MON2: variants seen among roughly 807,000 people sequenced by gnomAD.
MON2 encodes the protein MON2 regulator of endosome-to-Golgi trafficking, also known as protein MON2 homolog.
In MON2, 84 loss-of-function variants were observed where a neutral mutation model predicts 208.6. The observed-to-expected ratio is 0.40, with a 90% CI of 0.34 to 0.48. The LOEUF (loss-of-function observed/expected upper bound fraction) is 0.48. Among genes scored for constraint, MON2 ranks in the 20% least tolerant of loss-of-function variants. The pLI, the probability that MON2 is intolerant of heterozygous loss-of-function variation, is 0.59. For missense variants in MON2, 1,611 were observed against 2,015.4 expected (o/e 0.80, Z 3.84); for synonymous variants, 660 against 694.0 (o/e 0.95, Z 0.77).
At chr12:62,499,850 G>A (rs2070737363) in intron 5 of MON2, among the ~76,000 whole-genome samples, 1 of 151,554 alleles carries the variant, frequency 6.6e-6, no homozygotes, top group African/African-American at 2.4e-5. Context: ...TCCAGCCTGG[G>A]TGACACAGCA....
At chr12:62,516,997 G>T (rs1319565612) in intron 8 of MON2, among the ~76,000 whole-genome samples, 2 of 152,124 alleles carry the variant, frequency 1.3e-5, no homozygotes, top group Non-Finnish European at 2.9e-5. Context: ...AAAAGGAGAA[G>T]AACTTTAAGG....
intron 2 of MON2, among the ~76,000 whole-genome samples, chr12:62,486,113 A>G (rs2069775257): frequency 6.6e-6 from 1 of 152,150 alleles, no homozygotes; most frequent in Non-Finnish European, 1.5e-5. Context: ...GACTTACCAT[A>G]GGCCAATCGT....
At chr12:62,544,851 T>G in intron 20 of MON2, 47 bp from the exon 21 acceptor site, 1 of 1,585,962 alleles carries the variant, frequency 6.3e-7, no homozygotes, top group East Asian at 2.3e-5. Flanking sequence ...TGATGTGTGA[T>G]TCATAGCTTA....
chr12:62,532,499 G>A lies in MON2; in HGVS notation c.1462G>A (p.Ala488Thr), dbSNP rs2072702981. Reference sequence around the variant, plus strand: ...ACCTGAAGGTTACGCCATGTCTGTGGCATTCCATTGTTTGCTAGACCTTGT... The same window carrying A: ...ACCTGAAGGTTACGCCATGTCTGTGACATTCCATTGTTTGCTAGACCTTGT... Reference protein sequence around the residue: ...TIPEGYAMSVAFHCLLDLVRG... With the variant: ...TIPEGYAMSVTFHCLLDLVRG... The change falls in exon 12 of 35, where the codon GCA becomes ACA. Residue 488 changes from alanine (A) to threonine (T), a missense_variant. By Grantham distance (58) the Ala-to-Thr change is moderately conservative (BLOSUM62 0). Coordinates refer to ENST00000393630, the MANE Select transcript of MON2 (RefSeq NM_015026.3). The A allele has an allele frequency of 2.5e-6, 4 of 1,614,074 alleles. No individual in the cohort carries two copies. The highest frequency in any genetic ancestry group is 1.7e-4 in the Middle Eastern group (1 of 6,060).
At chr12:62,556,238 A>C in intron 25 of MON2, 46 bp downstream of exon 25, 1 of 1,549,382 alleles carries the variant, frequency 6.5e-7, no homozygotes, top group Non-Finnish European at 8.8e-7. Flanking sequence ...TAATGTTAAA[A>C]GAAATTTGGA....
At chr12:62,513,203 TCTC>T (rs2071501642) in intron 8 of MON2, among the ~76,000 whole-genome samples, 1 of 152,122 alleles carries the variant, frequency 6.6e-6, no homozygotes, top group African/African-American at 2.4e-5. Flanking sequence ...AGCTTGAAAT[TCTC>T]CTCAGAAAAT....
chr12:62,589,281 A>G (rs1056154836), intron 34 of MON2, among the ~76,000 whole-genome samples: 4 of 152,198 alleles, frequency 2.6e-5, no homozygotes, highest in Non-Finnish European at 4.4e-5. Context: ...GTTGGTTTAC[A>G]TTCTGGCACA....
chr12:62,579,587 G>A (rs377253955), intron 31 of MON2, among the ~76,000 whole-genome samples: 34 of 151,078 alleles, frequency 2.3e-4, no homozygotes, highest in African/African-American at 7.3e-4. Flanking sequence ...TTAGCTGGGC[G>A]TGGTGGTGGG....
chr12:62,530,039 T>C (rs556582713), intron 11 of MON2, among the ~76,000 whole-genome samples: 22 of 152,242 alleles, frequency 1.4e-4, no homozygotes, highest in African/African-American at 5.3e-4. Flanking sequence ...CAATAGATTA[T>C]TGTTAAGTGT....
Position 62,593,835 on chromosome 12 carries a change from A to G in MON2, c.*1086A>G, listed in dbSNP as rs1038604353. ...TAATGTCTTCTCAAGAAAAATACCTATGTTAACTCACAAGTATAAAATATG... is the reference window on the plus strand; with the variant it reads ...TAATGTCTTCTCAAGAAAAATACCTGTGTTAACTCACAAGTATAAAATATG... On this transcript the variant is annotated 3_prime_UTR_variant, in exon 35 of 35. Coordinates refer to ENST00000393630, the MANE Select transcript of MON2 (RefSeq NM_015026.3). 1.3e-5 allele frequency: 2 copies of G among 152,290 alleles called. No homozygotes were observed. The highest frequency in any genetic ancestry group is 1.9e-4 in the East Asian group (1 of 5,188). 9.4% of individuals were successfully genotyped at this position (152,290 alleles called of 1,614,324 possible).
intron 25 of MON2, among the ~76,000 whole-genome samples, chr12:62,558,491 A>G (rs2074080036): frequency 6.6e-6 from 1 of 152,106 alleles, no homozygotes; most frequent in South Asian, 2.1e-4. Flanking sequence ...TTCTCCCTAA[A>G]TGGCACGGGA....
intron 30 of MON2, among the ~76,000 whole-genome samples, chr12:62,576,857 C>T (rs1201583912): frequency 1.3e-5 from 2 of 151,484 alleles, no homozygotes; most frequent in African/African-American, 2.4e-5. Context: ...GATATATGAT[C>T]CAAATAATAT....
chr12:62,523,661 T>C (rs2072185259), intron 8 of MON2, among the ~76,000 whole-genome samples: 1 of 152,178 alleles, frequency 6.6e-6, no homozygotes, highest in African/African-American at 2.4e-5. Flanking sequence ...CCAAATTTCT[T>C]GTCTCACATT....
chr12:62,594,234 C>T lies in MON2; in HGVS notation c.*1485C>T, dbSNP rs1367589660. 2.6e-5 allele frequency: 4 copies of T among 151,928 alleles called. No homozygotes were observed. The highest frequency in any genetic ancestry group is 2.6e-4 in the Admixed American group (4 of 15,252). The allele number at this position is 151,928 out of a possible 1,614,324, so 9.4% of individuals were successfully genotyped here. On this transcript the variant is annotated 3_prime_UTR_variant, in exon 35 of 35. Transcript: ENST00000393630. ...TAGAATTTATAAATTTCAGCTTCTC[C>T]AGAATAATCATAAAACTGCAAAAAG...
At chr12:62,534,695 G>A (rs1358721314) in intron 12 of MON2, 150 bp from the exon 13 acceptor site, 3 of 496,724 alleles carry the variant, frequency 6.0e-6, no homozygotes, top group Non-Finnish European at 1.0e-5. Context: ...CGTTCTTTTA[G>A]ATTTTTAAAT....
chr12:62,518,614 C>G (rs112436921), intron 8 of MON2, among the ~76,000 whole-genome samples: 15 of 152,122 alleles, frequency 9.9e-5, no homozygotes, highest in African/African-American at 3.6e-4. Context: ...TGACCTTTGT[C>G]CCTTTAATTG....
At position 62,553,106 on chromosome 12, in the gene MON2, C is replaced by T. The variant is rs2073818200; in HGVS notation, c.3142C>T (p.Leu1048=). 1.2e-6 allele frequency: 2 copies of T among 1,614,164 alleles called. No individual in the cohort carries two copies. Among genetic ancestry groups the T allele is most frequent in the East Asian group, 4.5e-5 (2 of 44,880 alleles). ...PAVRKSAGQT[L]FSTIGAHGTL... The stretch of plus-strand genomic sequence containing the variant: ...TGTCAGGAAGAGTGCAGGGCAAACT[C>T]TGTTTTCTACAATTGGTGCGCATGG... Residue 1048 remains leucine (L), a synonymous_variant, in exon 24 of 35, where the codon CTG becomes TTG. Transcript: ENST00000393630.
intron 3 of MON2, 52 bp from the exon 4 acceptor site, chr12:62,494,964 A>G: frequency 1.5e-6 from 2 of 1,357,090 alleles, no homozygotes; most frequent in South Asian, 2.8e-5. Flanking sequence ...ATTTAGGGAC[A>G]TCAACATCTA....
intron 4 of MON2, among the ~76,000 whole-genome samples, chr12:62,498,001 A>G (rs1214489783): frequency 6.6e-6 from 1 of 152,148 alleles, no homozygotes; most frequent in Non-Finnish European, 1.5e-5. Flanking sequence ...AGATAAATGA[A>G]AACATATGTC....
Sources: allele counts gnomAD v4.1 joint callset (sites outside exome capture counted in the v4.1 genomes callset), GRCh38; gene constraint gnomAD v4.1.1; transcripts MANE v1.5; gene names NCBI Gene and HGNC (gene_info 2026-07-23, HGNC 2026-07-21).